Variants in KSR1 observed in about 807,000 individuals in gnomAD.
KSR1 encodes the protein kinase suppressor of ras.
KSR1 carries 35 observed loss-of-function variants against 92.9 expected under a neutral mutation model. That is an observed-to-expected ratio of 0.38 (90% CI 0.29 to 0.50). The LOEUF (loss-of-function observed/expected upper bound fraction) is 0.50, where lower values mean the gene tolerates loss of function less well. Ranked by LOEUF, KSR1 falls within the 20% of genes least tolerant of loss-of-function variation. KSR1 has a pLI of 0.94. For missense variants in KSR1, 972 were observed against 1,158.5 expected, an observed-to-expected ratio of 0.84 and a Z score of 2.34; for synonymous variants, 467 against 472.6, an observed-to-expected ratio of 0.99 and a Z score of 0.15.
chr17:27,484,939 C>T (rs1475421163), intron 1 of KSR1, among the ~76,000 whole-genome samples: 2 of 152,198 alleles, frequency 1.3e-5, no homozygotes, highest in African/African-American at 4.8e-5. Flanking sequence ...GCTCCTTTAC[C>T]AACACTGTCC....
At chr17:27,479,573 T>TG (rs1182841478) in intron 1 of KSR1, among the ~76,000 whole-genome samples, 1 of 152,218 alleles carries the variant, frequency 6.6e-6, no homozygotes, top group East Asian at 1.9e-4. Context: ...GCCCTCCACC[T>TG]GCTTTCTTTG....
chr17:27,499,709 T>C (rs896072930), intron 1 of KSR1, among the ~76,000 whole-genome samples: 1 of 152,206 alleles, frequency 6.6e-6, no homozygotes, highest in Non-Finnish European at 1.5e-5. Context: ...CTCCCCACAG[T>C]GAAGATGGGT....
intron 1 of KSR1, among the ~76,000 whole-genome samples, chr17:27,538,862 CA>C (rs1182108331): frequency 3.9e-5 from 6 of 152,204 alleles, no homozygotes; most frequent in African/African-American, 1.2e-4. Context: ...TGCCCCTGTC[CA>C]GCCCTTTGTC....
intron 18 of KSR1, among the ~76,000 whole-genome samples, chr17:27,614,737 C>T (rs1042607264): frequency 4.6e-5 from 7 of 152,158 alleles, no homozygotes; most frequent in Admixed American, 2.6e-4. Context: ...TCTTTTAGTG[C>T]GGGGTGATGG....
rs2070674371 is a variant in KSR1 at position 27,534,289 on chromosome 17, A to G, written c.232-16279A>G. ...GGAATACACCAGGGTAGCTTGGGAC[A>G]TGCCATGTAGATGGAGTCATCCAGG... On this transcript the variant is annotated intron_variant, in intron 1 of 20. Transcript: ENST00000644974. Among the ~76,000 whole-genome samples, 3 of 152,256 alleles carry G rather than the reference A, an allele frequency of 2.0e-5. No individual in the cohort carries two copies. The South Asian group carries it at 6.2e-4, about 31-fold the overall frequency.
At chr17:27,472,419 C>A (rs1015283464) in intron 1 of KSR1, among the ~76,000 whole-genome samples, 2 of 152,162 alleles carry the variant, frequency 1.3e-5, no homozygotes, top group African/African-American at 4.8e-5. Flanking sequence ...ACTCATAAGC[C>A]CCGGGGGGCT....
chr17:27,510,735 T>A (rs1345814258), intron 1 of KSR1, among the ~76,000 whole-genome samples: 1 of 152,206 alleles, frequency 6.6e-6, no homozygotes, highest in Non-Finnish European at 1.5e-5. Flanking sequence ...GGGTATGATG[T>A]GCTTGGCAGA....
intron 10 of KSR1, among the ~76,000 whole-genome samples, chr17:27,600,354 C>T (rs575807072): frequency 6.6e-6 from 1 of 152,096 alleles, no homozygotes; most frequent in African/African-American, 2.4e-5. Flanking sequence ...GCAGGAGAAT[C>T]GCTTGAACCC....
At chr17:27,612,798 A>G (rs970096736) in intron 18 of KSR1, 1 of 152,234 alleles carries the variant, frequency 6.6e-6, no homozygotes, top group Non-Finnish European at 1.5e-5. Flanking sequence ...TAAGATACAA[A>G]CAGGCTGTGA....
At chr17:27,558,710 T>G (rs576388320) in intron 2 of KSR1, among the ~76,000 whole-genome samples, 7 of 152,108 alleles carry the variant, frequency 4.6e-5, no homozygotes, top group East Asian at 3.9e-4. Flanking sequence ...TTTGTTTTTT[T>G]TTTTTTTCTT....
At chr17:27,522,016 A>T (rs748464157) in intron 1 of KSR1, among the ~76,000 whole-genome samples, 2 of 152,186 alleles carry the variant, frequency 1.3e-5, no homozygotes, top group Non-Finnish European at 2.9e-5. Context: ...TTTCTAGGCC[A>T]TGAGTTCTCA....
Position 27,559,544 on chromosome 17 carries a change from T to C in KSR1, c.372+8836T>C, listed in dbSNP as rs967051890. ...TTATCGTAATGAATTTTAATTTGAA[T>C]AGACATCTGGCTATGACTGCATTGA... is the stretch of plus-strand genomic sequence containing the variant. On this transcript the variant is annotated intron_variant, in intron 2 of 20. Transcript: ENST00000644974. The surrounding 1 kb of genome is among the most constrained non-coding windows in gnomAD (Gnocchi z 4.2). Among the ~76,000 whole-genome samples, 6 of 152,256 alleles carry C rather than the reference T, an allele frequency of 3.9e-5. No individual in the cohort carries two copies. Among genetic ancestry groups the C allele is most frequent in the African/African-American group, 1.4e-4 (6 of 41,470 alleles).
At chr17:27,486,883 A>G (rs981828793) in intron 1 of KSR1, among the ~76,000 whole-genome samples, 1 of 152,218 alleles carries the variant, frequency 6.6e-6, no homozygotes, top group Non-Finnish European at 1.5e-5. Flanking sequence ...AGCCTTTGAC[A>G]GGACATTCAG....
intron 1 of KSR1, among the ~76,000 whole-genome samples, chr17:27,537,655 A>T (rs1003855303): frequency 1.3e-5 from 2 of 152,200 alleles, no homozygotes; most frequent in Non-Finnish European, 1.5e-5. Flanking sequence ...AGGCCACTGC[A>T]CCCCAGCCTG....
chr17:27,601,302 T>C (rs1598122499), intron 10 of KSR1, 58 bp from the exon 11 acceptor site: 1 of 1,479,486 alleles, frequency 6.8e-7, no homozygotes, highest in East Asian at 2.3e-5. Context: ...GCAATTCCGC[T>C]CCTCCCTCCT....
intron 2 of KSR1, among the ~76,000 whole-genome samples, chr17:27,569,641 G>T (rs80338342): frequency 1.3e-5 from 2 of 152,232 alleles, no homozygotes; most frequent in Non-Finnish European, 2.9e-5. Flanking sequence ...TTCGTGACCC[G>T]TAAAAGTTAC....
intron 3 of KSR1, among the ~76,000 whole-genome samples, chr17:27,581,860 G>C (rs1356147455): frequency 6.6e-6 from 1 of 152,170 alleles, no homozygotes; most frequent in African/African-American, 2.4e-5. Flanking sequence ...GATCATGGTA[G>C]GGGCAGCCCA....
intron 6 of KSR1, 46 bp downstream of exon 6, chr17:27,588,581 G>C (rs1347929736): frequency 1.3e-6 from 2 of 1,516,192 alleles, no homozygotes; most frequent in Admixed American, 4.0e-5. Flanking sequence ...AGCCGGGCTG[G>C]TACCCAGATG....
At chr17:27,542,952 C>A (rs974567673) in intron 1 of KSR1, among the ~76,000 whole-genome samples, 3 of 152,184 alleles carry the variant, frequency 2.0e-5, no homozygotes, top group African/African-American at 7.2e-5. Context: ...GGCTGCCAAA[C>A]CCAAGCTTCT....
Sources: allele counts gnomAD v4.1 joint callset (sites outside exome capture counted in the v4.1 genomes callset), GRCh38; gene constraint gnomAD v4.1.1; non-coding constraint Gnocchi (gnomAD v3.1); transcripts MANE v1.5; gene names NCBI Gene and HGNC (gene_info 2026-07-23, HGNC 2026-07-21).